CHD1L: variants seen among roughly 807,000 people sequenced by gnomAD.
CHD1L encodes the protein ATP-dependent chromatin remodeler CHD1L.
In CHD1L, 118 loss-of-function variants were observed where a neutral mutation model predicts 115.9. The observed-to-expected ratio is 1.02, with a 90% CI of 0.88 to 1.19. CHD1L has a LOEUF of 1.19. CHD1L is among the 50% of genes most tolerant of loss of function. The pLI is 0.00. For synonymous variants in CHD1L, 411 were observed against 387.1 expected (o/e 1.06, Z -0.72); for missense variants, 1,179 against 1,065.3 (o/e 1.11, Z -1.49).
the CHD1L span, chr1:147,187,115 A>C: frequency 1.2e-6 from 2 of 1,613,978 alleles, no homozygotes; most frequent in African/African-American, 2.7e-5. Flanking sequence ...CCCAGTAATA[A>C]GTGTAATGCC....
Position 147,291,550 on chromosome 1 carries a change from T to A in CHD1L, c.2389T>A (p.Leu797Met). 6.2e-7 allele frequency: 1 copy of A among 1,613,208 alleles called. No homozygotes were observed. Among genetic ancestry groups the A allele is most frequent in the South Asian group, 1.1e-5 (1 of 91,050 alleles). ...AGAATCAAGAAACAAAGGGCAAGATTTGGTAAGTAAAACCCATCTCTTCTC... is the reference window on the plus strand; with the variant it reads ...AGAATCAAGAAACAAAGGGCAAGATATGGTAAGTAAAACCCATCTCTTCTC... The part of the protein sequence containing the change: ...DKESRNKGQD[L>M]LALIVAQHRD... Residue 797 changes from leucine to methionine, a missense_variant and splice_region_variant, in exon 20 of 23, where the codon TTG (leucine) becomes ATG (methionine). By Grantham distance (15) the Leu-to-Met change is conservative. Coordinates refer to ENST00000369258, the MANE Select transcript of CHD1L (RefSeq NM_004284.6).
the CHD1L span, among the ~76,000 whole-genome samples, chr1:147,192,793 T>C: frequency 6.6e-6 from 1 of 152,198 alleles, no homozygotes; most frequent in Non-Finnish European, 1.5e-5. Flanking sequence ...TCATTGGTTC[T>C]GTTTATATGC....
At chr1:147,192,303 C>T in the CHD1L span, among the ~76,000 whole-genome samples, 1 of 151,976 alleles carries the variant, frequency 6.6e-6, no homozygotes, top group Non-Finnish European at 1.5e-5. Context: ...CATGATTTGG[C>T]TCTCTGTTTG....
At chr1:147,211,521 A>T in the CHD1L span, 1 of 152,244 alleles carries the variant, frequency 6.6e-6, no homozygotes, top group Non-Finnish European at 1.5e-5. Flanking sequence ...GTCATTTAAC[A>T]GAATTGTAGC....
chr1:147,268,169 G>A (rs1559799284), intron 9 of CHD1L, among the ~76,000 whole-genome samples: 1 of 152,092 alleles, frequency 6.6e-6, no homozygotes, highest in Non-Finnish European at 1.5e-5. Flanking sequence ...ACAGACCTCA[G>A]TAAATTTTCC....
chr1:147,201,581 G>T, the CHD1L span: 1 of 1,131,214 alleles, frequency 8.8e-7, no homozygotes, highest in Non-Finnish European at 1.3e-6. Context: ...ATTTTGCTTT[G>T]GTGGAGGTAA....
At chr1:147,253,805 G>A (rs931458581) in intron 2 of CHD1L, among the ~76,000 whole-genome samples, 2 of 152,248 alleles carry the variant, frequency 1.3e-5, no homozygotes, top group South Asian at 2.1e-4. Flanking sequence ...GCCCATGGTT[G>A]AAATTATAGT....
intron 12 of CHD1L, among the ~76,000 whole-genome samples, chr1:147,272,780 T>A (rs587723250): frequency 1.3e-5 from 2 of 152,238 alleles, no homozygotes; most frequent in Admixed American, 6.5e-5. Context: ...ATATATGATT[T>A]AAATCGTGAA....
chr1:147,270,084 G>GT (rs1351282138), intron 10 of CHD1L, among the ~76,000 whole-genome samples: 8 of 152,150 alleles, frequency 5.3e-5, no homozygotes, highest in African/African-American at 7.2e-5. Context: ...TAGAATTGAG[G>GT]TTTTCAGGTT....
the CHD1L span, among the ~76,000 whole-genome samples, chr1:147,212,048 A>G: frequency 2.6e-5 from 4 of 152,188 alleles, no homozygotes; most frequent in Non-Finnish European, 4.4e-5. Context: ...CGCTCTCAAT[A>G]CTGCTTTCTA....
At chr1:147,192,828 A>G in the CHD1L span, among the ~76,000 whole-genome samples, 2 of 152,262 alleles carry the variant, frequency 1.3e-5, no homozygotes, top group Admixed American at 6.5e-5. Flanking sequence ...TGATTTGTGT[A>G]TGTTGAACCA....
At chr1:147,189,679 T>C in the CHD1L span, among the ~76,000 whole-genome samples, 1 of 152,206 alleles carries the variant, frequency 6.6e-6, no homozygotes, top group Admixed American at 6.5e-5. Flanking sequence ...TGTTACCATG[T>C]TCCCAACTCA....
the CHD1L span, among the ~76,000 whole-genome samples, chr1:147,193,009 T>A: frequency 6.6e-6 from 1 of 152,176 alleles, no homozygotes; most frequent in Non-Finnish European, 1.5e-5. Flanking sequence ...GGTATCAGGA[T>A]GATGCTGGCC....
At chr1:147,215,996 T>C in the CHD1L span, 99 of 1,362,386 alleles carry the variant, frequency 7.3e-5, no homozygotes, top group African/African-American at 8.7e-4. Flanking sequence ...TCATGTTTTA[T>C]AATAGCCAAT....
At chr1:147,275,279 A>G (rs1677909149) in intron 12 of CHD1L, 75 bp from the exon 13 acceptor site, 1 of 1,072,246 alleles carries the variant, frequency 9.3e-7, no homozygotes, top group Non-Finnish European at 1.4e-6. Flanking sequence ...AGTCTGACCC[A>G]CTCTAGCCTT....
In CHD1L at chr1:147,275,464, A is replaced by C. The variant is rs1553956924; in HGVS notation, c.1381A>C (p.Asn461His). 6.2e-7 allele frequency: 1 copy of C among 1,612,992 alleles called. No homozygotes were observed. Among genetic ancestry groups the C allele is most frequent in the Non-Finnish European group, 8.5e-7 (1 of 1,178,968 alleles). Residue 461 changes from asparagine (N) to histidine (H), a missense_variant, in exon 13 of 23, where the codon AAC becomes CAC. Transcript: ENST00000369258. ...AAARAHRIGQNKSVKVIRLIG... is the reference protein window; with the variant it reads ...AAARAHRIGQHKSVKVIRLIG... Reference sequence around the variant, plus strand: ...TGCCAGGGCTCATCGCATTGGCCAAAACAAGTAAGTGATTTTTTTCTGCTT... The same window carrying C: ...TGCCAGGGCTCATCGCATTGGCCAACACAAGTAAGTGATTTTTTTCTGCTT...
chr1:147,225,297 G>A, the CHD1L span: 1 of 719,130 alleles, frequency 1.4e-6, no homozygotes, highest in South Asian at 2.1e-5. Flanking sequence ...CGCCTTTCCT[G>A]AAGCGCTCAA....
At chr1:147,212,831 T>C in the CHD1L span, among the ~76,000 whole-genome samples, 1 of 152,194 alleles carries the variant, frequency 6.6e-6, no homozygotes, top group Non-Finnish European at 1.5e-5. Flanking sequence ...TTCTCTTTTA[T>C]CTTTTCATCC....
chr1:147,279,410 C>A (rs375457516), intron 14 of CHD1L, among the ~76,000 whole-genome samples: 7 of 152,080 alleles, frequency 4.6e-5, no homozygotes, highest in Non-Finnish European at 8.8e-5. Flanking sequence ...CAGAGAGGGA[C>A]GAGAGAAGAG....
Sources: allele counts gnomAD v4.1 joint callset (sites outside exome capture counted in the v4.1 genomes callset), GRCh38; gene constraint gnomAD v4.1.1; transcripts MANE v1.5; gene names NCBI Gene and HGNC (gene_info 2026-07-23, HGNC 2026-07-21).